CRY1: variants seen among roughly 807,000 people sequenced by gnomAD.
The protein encoded by CRY1 is cryptochrome-1.
A neutral mutation model predicts 76.0 loss-of-function variants in CRY1; 45 were observed. The ratio of observed to expected loss-of-function variants is 0.59; its 90% confidence interval spans 0.47 to 0.76. The LOEUF (loss-of-function observed/expected upper bound fraction) is 0.76, where lower values mean the gene tolerates loss of function less well. Among genes scored for constraint, CRY1 ranks in the 30% least tolerant of loss-of-function variants. The pLI is 0.00. For synonymous variants in CRY1, 248 were observed against 244.0 expected, an observed-to-expected ratio of 1.02 and a Z score of -0.15; for missense variants, 587 against 716.4, an observed-to-expected ratio of 0.82 and a Z score of 2.06.
chr12:107,046,715 A>C (rs974978687), intron 1 of CRY1, among the ~76,000 whole-genome samples: 1 of 152,202 alleles, frequency 6.6e-6, no homozygotes, highest in Non-Finnish European at 1.5e-5. Flanking sequence ...ACAAACAAAA[A>C]CCAAAAGCAA....
intron 1 of CRY1, among the ~76,000 whole-genome samples, chr12:107,081,943 GGACA>G (rs1350871239): frequency 2.0e-5 from 3 of 151,942 alleles, no homozygotes; most frequent in African/African-American, 4.8e-5. Context: ...TGAGTCATGG[GGACA>G]GACAAACACA....
chr12:106,996,280 G>A (rs1216476311), intron 10 of CRY1, among the ~76,000 whole-genome samples: 2 of 152,158 alleles, frequency 1.3e-5, no homozygotes, highest in African/African-American at 2.4e-5. Flanking sequence ...GCTCCATCAT[G>A]TCCCTGCAAA....
At chr12:107,048,981 G>C (rs1180315055) in intron 1 of CRY1, among the ~76,000 whole-genome samples, 2 of 152,096 alleles carry the variant, frequency 1.3e-5, no homozygotes, top group African/African-American at 4.8e-5. Context: ...AAAAGCTATA[G>C]ATATCCTCCT....
At chr12:107,030,792 G>C (rs1050118924) in intron 1 of CRY1, among the ~76,000 whole-genome samples, 1 of 152,064 alleles carries the variant, frequency 6.6e-6, no homozygotes, top group Non-Finnish European at 1.5e-5. Context: ...GAAGGGGGCA[G>C]GGGAAGGCAC....
In CRY1 at chr12:107,034,261, C is replaced by T. The variant is rs116356380; in HGVS notation, c.159-12069G>A. The stretch of plus-strand genomic sequence containing the variant: ...CCCCCACTAATGCCATGACAGTTTA[C>T]AAATGCCAAGACAACATCCAGATGT... On this transcript the variant is annotated intron_variant, in intron 1 of 12. Coordinates refer to ENST00000008527, the MANE Select transcript of CRY1 (RefSeq NM_004075.5). Among the ~76,000 whole-genome samples, 1,132 of 152,154 alleles carry T rather than the reference C, an allele frequency of 7.4e-3. 18 individuals carry two copies. Among genetic ancestry groups the T allele is most frequent in the African/African-American group, 0.024 (1,002 of 41,512 alleles).
chr12:106,992,690 G>T, intron 12 of CRY1, 97 bp downstream of exon 12: 1 of 1,137,874 alleles, frequency 8.8e-7, no homozygotes. Context: ...AGATTTTCTG[G>T]TTTGAAAATA....
intron 1 of CRY1, among the ~76,000 whole-genome samples, chr12:107,047,742 A>G: frequency 6.6e-6 from 1 of 152,152 alleles, no homozygotes; most frequent in East Asian, 1.9e-4. Context: ...TTTATAAATT[A>G]CCCAGTCTCA....
chr12:106,997,262 T>C, intron 10 of CRY1, 32 bp downstream of exon 10: 1 of 1,540,268 alleles, frequency 6.5e-7, no homozygotes, highest in African/African-American at 1.4e-5. Context: ...CCTCTTCATG[T>C]TACTAAGTGC....
chr12:107,066,366 C>T (rs1043413470), intron 1 of CRY1, among the ~76,000 whole-genome samples: 3 of 152,170 alleles, frequency 2.0e-5, no homozygotes, highest in Non-Finnish European at 4.4e-5. Flanking sequence ...TATATCCATT[C>T]ATCCTTTTAT....
intron 2 of CRY1, among the ~76,000 whole-genome samples, chr12:107,012,153 G>A (rs1310030739): frequency 1.3e-5 from 2 of 152,220 alleles, no homozygotes; most frequent in African/African-American, 4.8e-5. Flanking sequence ...TCGTGCCACT[G>A]CACTGCAGCG....
intron 1 of CRY1, among the ~76,000 whole-genome samples, chr12:107,039,931 T>G (rs186879351): frequency 2.6e-5 from 4 of 152,026 alleles, no homozygotes; most frequent in Non-Finnish European, 4.4e-5. Context: ...ATTAAGAAAA[T>G]ATTATACATA....
intron 1 of CRY1, among the ~76,000 whole-genome samples, chr12:107,061,124 A>C (rs1953041422): frequency 6.6e-6 from 1 of 152,194 alleles, no homozygotes; most frequent in African/African-American, 2.4e-5. Flanking sequence ...CAACTATTTA[A>C]CATATATGTG....
intron 1 of CRY1, among the ~76,000 whole-genome samples, chr12:107,033,195 C>T (rs999995273): frequency 6.6e-6 from 1 of 151,948 alleles, no homozygotes; most frequent in African/African-American, 2.4e-5. Flanking sequence ...TAAAACTTAC[C>T]AAAATGGACT....
chr12:106,994,612 C>G (rs747908678), intron 10 of CRY1, among the ~76,000 whole-genome samples: 1 of 151,990 alleles, frequency 6.6e-6, no homozygotes, highest in African/African-American at 2.4e-5. Context: ...AATAAACTAC[C>G]CTATATACAT....
At position 107,022,136 on chromosome 12, in the gene CRY1, C is replaced by G; in HGVS notation, c.215G>C (p.Arg72Pro). 6.2e-7 allele frequency: 1 copy of G among 1,602,116 alleles called. No individual in the cohort carries two copies. Residue 72 changes from arginine (R) to proline (P), a missense_variant, in exon 2 of 13, where the codon CGT (arginine) becomes CCT (proline). Transcript: ENST00000008527. ...TGGTTGTCCACGAATCACAAACAGA[C>G]GGGAGTTTAATTTTCGTAGATTGGC... ...LDANLRKLNS[R>P]LFVIRGQPAD...
chr12:107,085,464 T>C (rs1003636587), intron 1 of CRY1, among the ~76,000 whole-genome samples: 2 of 152,080 alleles, frequency 1.3e-5, no homozygotes, highest in African/African-American at 4.8e-5. Context: ...ACATATACAC[T>C]GTGGAATATG....
Position 107,000,025 on chromosome 12 carries a change from G to C in CRY1, c.742C>G (p.Pro248Ala), listed in dbSNP as rs1402080748. 7 of 1,611,178 alleles carry C rather than the reference G, an allele frequency of 4.3e-6. No individual in the cohort carries two copies. In the African/African-American group the frequency reaches 5.4e-5, roughly 12 times the overall value. ...RMNANSLLAS[P>A]TGLSPYLRFG... ...CGGAGATAAGGACTAAGTCCAGTAG[G>C]GCTTGCAAGCAGAGAATTCGCATTC... is the stretch of plus-strand genomic sequence containing the variant. Residue 248 changes from proline (P) to alanine (A), a missense_variant, in exon 6 of 13, where the codon CCT becomes GCT. Transcript: ENST00000008527.
At chr12:107,061,153 A>AT (rs1953041724) in intron 1 of CRY1, among the ~76,000 whole-genome samples, 1 of 152,124 alleles carries the variant, frequency 6.6e-6, no homozygotes, top group Admixed American at 6.6e-5. Context: ...AATTCAGGTA[A>AT]ATTAATAGAA....
chr12:107,092,845 G>A lies in CRY1; in HGVS notation c.117C>T (p.Pro39=). 1 of 1,611,510 alleles carries A rather than the reference G, an allele frequency of 6.2e-7. No homozygotes were observed. Among genetic ancestry groups the A allele is most frequent in the Non-Finnish European group, 8.5e-7 (1 of 1,179,782 alleles). The part of the protein sequence containing the change: ...DTIRCVYILD[P]WFAGSSNVGI... ...CCACATTGGAGGAGCCGGCGAACCAGGGGTCCAGGATGTAGACGCAGCGGA... is the reference window on the plus strand; with the variant it reads ...CCACATTGGAGGAGCCGGCGAACCAAGGGTCCAGGATGTAGACGCAGCGGA... Residue 39 remains proline (P), a synonymous_variant, in exon 1 of 13, where the codon CCC becomes CCT. Coordinates refer to ENST00000008527, the MANE Select transcript of CRY1 (RefSeq NM_004075.5).
Sources: allele counts gnomAD v4.1 joint callset (sites outside exome capture counted in the v4.1 genomes callset), GRCh38; gene constraint gnomAD v4.1.1; transcripts MANE v1.5; gene names NCBI Gene and HGNC (gene_info 2026-07-23, HGNC 2026-07-21).